Variants in NBEA observed in about 807,000 individuals in gnomAD.
NBEA encodes neurobeachin, also known as lysosomal-trafficking regulator 2.
A neutral mutation model predicts 343.4 loss-of-function variants in NBEA; 44 were observed. That is an observed-to-expected ratio of 0.13 (90% confidence interval 0.10 to 0.16). The LOEUF (loss-of-function observed/expected upper bound fraction) is 0.16. Among genes scored for constraint, NBEA ranks in the 10% least tolerant of loss-of-function variants. The pLI is 1.00. For missense variants in NBEA, 2,555 were observed against 3,631.3 expected, an observed-to-expected ratio of 0.70 and a Z score of 7.62; for synonymous variants, 1,175 against 1,238.7, an observed-to-expected ratio of 0.95 and a Z score of 1.08.
chr13:35,489,207 A>G (rs919989040), intron 41 of NBEA, among the ~76,000 whole-genome samples: 1 of 151,860 alleles, frequency 6.6e-6, no homozygotes, highest in African/African-American at 2.4e-5. Context: ...TGAATGGGGA[A>G]TAAAGAAGTC....
At chr13:35,161,593 G>C (rs2152713033) in intron 22 of NBEA, among the ~76,000 whole-genome samples, 157 bp from the exon 23 acceptor site, 1 of 152,214 alleles carries the variant, frequency 6.6e-6, no homozygotes, top group South Asian at 2.1e-4. Context: ...TCCTGTGCAA[G>C]GAATTACCAG....
intron 47 of NBEA, among the ~76,000 whole-genome samples, chr13:35,595,371 C>T (rs1261654999): frequency 6.6e-6 from 1 of 151,836 alleles, no homozygotes; most frequent in African/African-American, 2.4e-5. Context: ...TTAATTAGTT[C>T]ATAAGAAGCT....
intron 34 of NBEA, among the ~76,000 whole-genome samples, chr13:35,287,588 T>A (rs2035514218): frequency 6.6e-6 from 1 of 152,084 alleles, no homozygotes; most frequent in Admixed American, 6.6e-5. Context: ...GCTTCCTGTG[T>A]ACTTTTTGCT....
intron 11 of NBEA, among the ~76,000 whole-genome samples, chr13:35,107,282 C>A (rs1190063955): frequency 2.0e-5 from 3 of 151,746 alleles, no homozygotes; most frequent in Non-Finnish European, 1.5e-5. Context: ...TGGTTCCCCC[C>A]CCTTTATTAA....
chr13:35,176,397 G>A (rs190437410), intron 27 of NBEA, among the ~76,000 whole-genome samples: 36 of 152,126 alleles, frequency 2.4e-4, no homozygotes, highest in Admixed American at 1.5e-3. Context: ...ACTTGATTGA[G>A]TTTCAGGGAC....
intron 30 of NBEA, among the ~76,000 whole-genome samples, chr13:35,189,792 CACTGGCAAAA>C (rs1025972849): frequency 6.6e-6 from 1 of 151,858 alleles, no homozygotes; most frequent in Admixed American, 6.6e-5. Context: ...AAAATAAGAA[CACTGGCAAAA>C]ACTGTCAAAA....
intron 41 of NBEA, among the ~76,000 whole-genome samples, chr13:35,549,349 G>A (rs890434222): frequency 1.3e-5 from 2 of 152,134 alleles, no homozygotes; most frequent in South Asian, 2.1e-4. Context: ...TGAATATAAT[G>A]TATGTAAAAC....
chr13:35,421,883 T>C (rs1469621892), intron 38 of NBEA, among the ~76,000 whole-genome samples: 1 of 152,104 alleles, frequency 6.6e-6, no homozygotes, highest in East Asian at 1.9e-4. Flanking sequence ...TATATTGTCA[T>C]TCTGTTTTAC....
chr13:34,973,525 C>T (rs1247121526), intron 1 of NBEA, among the ~76,000 whole-genome samples: 1 of 151,650 alleles, frequency 6.6e-6, no homozygotes, highest in Non-Finnish European at 1.5e-5. Context: ...CTTGCGAGGT[C>T]ATGCCCAGTG....
intron 1 of NBEA, among the ~76,000 whole-genome samples, chr13:34,984,865 T>G (rs574081732): frequency 6.6e-6 from 1 of 151,032 alleles, no homozygotes; most frequent in Non-Finnish European, 1.5e-5. Context: ...ATAGGAATGC[T>G]TGTGATTTTT....
intron 48 of NBEA, among the ~76,000 whole-genome samples, chr13:35,611,631 T>C (rs1342127280): frequency 6.6e-6 from 1 of 152,218 alleles, no homozygotes; most frequent in Non-Finnish European, 1.5e-5. Flanking sequence ...CTCCAAAGGT[T>C]TGCCTTTTCT....
chr13:35,087,522 G>A (rs2064838163), intron 10 of NBEA, among the ~76,000 whole-genome samples: 2 of 151,754 alleles, frequency 1.3e-5, no homozygotes, highest in African/African-American at 4.8e-5. Context: ...AATAGTTACG[G>A]CAGAAGGAAG....
chr13:35,098,883 C>T (rs2065473101), intron 11 of NBEA, among the ~76,000 whole-genome samples: 1 of 152,120 alleles, frequency 6.6e-6, no homozygotes, highest in South Asian at 2.1e-4. Flanking sequence ...GCTGTATACA[C>T]TGTCTCTCCA....
rs185575005 is a variant in NBEA, at chr13:35,631,216, T to C, written c.7617+2968T>C. The stretch of plus-strand genomic sequence containing the variant: ...AATGGAGTGAAGTACAGCATATTCA[T>C]TATTTAGTGGTCATTTATGCACCCT... On this transcript the variant is annotated intron_variant, in intron 49 of 58. Transcript: ENST00000379939. 4.1e-4 allele frequency among the ~76,000 whole-genome samples: 62 copies of C among 152,310 alleles called. 1 individual carries two copies. The highest frequency in any genetic ancestry group is 3.7e-3 in the Admixed American group (56 of 15,302).
intron 36 of NBEA, among the ~76,000 whole-genome samples, chr13:35,324,581 A>C (rs999516406): frequency 6.6e-6 from 1 of 152,212 alleles, no homozygotes; most frequent in Admixed American, 6.5e-5. Context: ...ACAAAACCTG[A>C]ATAAATACTT....
chr13:35,095,575 G>T (rs2065291394), intron 10 of NBEA, among the ~76,000 whole-genome samples: 1 of 151,520 alleles, frequency 6.6e-6, no homozygotes, highest in Non-Finnish European at 1.5e-5. Context: ...AGAATTACAA[G>T]GTGGTAATTA....
intron 35 of NBEA, among the ~76,000 whole-genome samples, chr13:35,306,025 A>G (rs1162973828): frequency 6.6e-6 from 1 of 152,162 alleles, no homozygotes; most frequent in Non-Finnish European, 1.5e-5. Flanking sequence ...TCGTATATCA[A>G]ATGAAAGTAT....
intron 18 of NBEA, among the ~76,000 whole-genome samples, chr13:35,148,929 G>T (rs2068601397): frequency 6.6e-6 from 1 of 152,108 alleles, no homozygotes; most frequent in Non-Finnish European, 1.5e-5. Context: ...TAGCCCACAG[G>T]CCATAGTTTT....
At chr13:35,558,140 T>C (rs993190925) in intron 44 of NBEA, among the ~76,000 whole-genome samples, 3 of 152,236 alleles carry the variant, frequency 2.0e-5, no homozygotes, top group Admixed American at 6.5e-5. Flanking sequence ...ATATTTACTA[T>C]GTACCACATA....
Sources: allele counts gnomAD v4.1 joint callset (sites outside exome capture counted in the v4.1 genomes callset), GRCh38; gene constraint gnomAD v4.1.1; transcripts MANE v1.5; gene names NCBI Gene and HGNC (gene_info 2026-07-23, HGNC 2026-07-21).